The following ZNRF1 variants were observed in gnomAD, a reference collection of about 807,000 sequenced individuals.
ZNRF1 encodes the protein zinc and ring finger 1.
Under a neutral mutation model 18.4 loss-of-function variants are expected in ZNRF1, and 3 were observed. The ratio of observed to expected loss-of-function variants is 0.16; its 90% CI spans 0.07 to 0.42. The LOEUF (loss-of-function observed/expected upper bound fraction) is 0.42. ZNRF1 is among the 10% of genes least tolerant of loss of function. The pLI is 0.99. For missense variants in ZNRF1, 310 were observed against 329.8 expected (o/e 0.94, Z 0.47); for synonymous variants, 157 against 144.2 (o/e 1.09, Z -0.64).
chr16:75,101,611 A>G (rs1403284395), intron 2 of ZNRF1, among the ~76,000 whole-genome samples: 1 of 152,148 alleles, frequency 6.6e-6, no homozygotes, highest in Admixed American at 6.5e-5. Flanking sequence ...GCAGTGTACT[A>G]GACCCGTTTA....
At chr16:75,040,675 C>T (rs2035435966) in intron 1 of ZNRF1, among the ~76,000 whole-genome samples, 2 of 135,186 alleles carry the variant, frequency 1.5e-5, no homozygotes, top group Non-Finnish European at 3.0e-5. Flanking sequence ...GGCGCAATCT[C>T]GGCTCACTGC....
Position 75,046,864 on chromosome 16 carries a change from C to T in ZNRF1, c.425-46708C>T, listed in dbSNP as rs914297801. Reference sequence around the variant, plus strand: ...GTGCTGGGATTACAGGTGTGAGCCACCACGCCCGGAATGAAGTATTTCAGG... The same window carrying T: ...GTGCTGGGATTACAGGTGTGAGCCATCACGCCCGGAATGAAGTATTTCAGG... On this transcript the variant is annotated intron_variant, in intron 1 of 4. Transcript: ENST00000335325. 3.2e-5 allele frequency: 5 copies of T among 154,222 alleles called. No homozygotes were observed. In the Admixed American group the frequency reaches 3.3e-4, roughly 10 times the overall value. The allele number at this position is 154,222 out of a possible 1,614,324, so 9.6% of individuals were successfully genotyped here. A position where few individuals can be genotyped will look rare whatever the true frequency, so the allele number is the denominator to read the frequency against.
At chr16:75,022,654 C>A (rs2035168944) in intron 1 of ZNRF1, among the ~76,000 whole-genome samples, 2 of 151,968 alleles carry the variant, frequency 1.3e-5, no homozygotes, top group South Asian at 2.1e-4. Context: ...ATTTAAATTC[C>A]ATTTCTGAGT....
intron 1 of ZNRF1, among the ~76,000 whole-genome samples, chr16:75,050,608 C>A (rs997117386): frequency 6.6e-6 from 1 of 151,894 alleles, no homozygotes; most frequent in Non-Finnish European, 1.5e-5. Flanking sequence ...GTGGCTCACG[C>A]CTGTAATCCC....
intron 1 of ZNRF1, among the ~76,000 whole-genome samples, chr16:75,078,167 C>T (rs73614091): frequency 0.023 from 3,567 of 152,100 alleles, 160 homozygotes; most frequent in African/African-American, 0.083. Context: ...AGGAAATTGC[C>T]CTTGGTCACA....
At chr16:75,050,195 T>A (rs1314165612) in intron 1 of ZNRF1, among the ~76,000 whole-genome samples, 1 of 152,202 alleles carries the variant, frequency 6.6e-6, no homozygotes, top group Non-Finnish European at 1.5e-5. Context: ...ATGGTATGGA[T>A]GGACCACGGT....
intron 1 of ZNRF1, among the ~76,000 whole-genome samples, chr16:75,010,435 A>G (rs1201983991): frequency 6.6e-6 from 1 of 152,238 alleles, no homozygotes; most frequent in South Asian, 2.1e-4. Flanking sequence ...TTTGCTCAAA[A>G]TAAAGAATTT....
At chr16:75,030,021 C>G (rs1173799748) in intron 1 of ZNRF1, among the ~76,000 whole-genome samples, 1 of 147,800 alleles carries the variant, frequency 6.8e-6, no homozygotes, top group African/African-American at 2.5e-5. Context: ...TGAGAGAGCA[C>G]CACTGCATTC....
chr16:75,093,295 G>T (rs1231981454), intron 1 of ZNRF1, among the ~76,000 whole-genome samples: 3 of 151,272 alleles, frequency 2.0e-5, no homozygotes, highest in Non-Finnish European at 4.4e-5. Context: ...TGAGGCAGGA[G>T]AATCGCTTGA....
intron 1 of ZNRF1, among the ~76,000 whole-genome samples, chr16:75,046,043 C>A (rs2035511047): frequency 6.6e-6 from 1 of 151,730 alleles, no homozygotes; most frequent in African/African-American, 2.4e-5. Flanking sequence ...GCTGGGATTA[C>A]AGGCACGCAC....
At chr16:75,009,188 A>G (rs1282138665) in intron 1 of ZNRF1, among the ~76,000 whole-genome samples, 1 of 152,194 alleles carries the variant, frequency 6.6e-6, no homozygotes, top group African/African-American at 2.4e-5. Context: ...CATCCTTGGT[A>G]TTATAAGTCT....
At chr16:75,016,515 C>T (rs188609377) in intron 1 of ZNRF1, among the ~76,000 whole-genome samples, 4 of 152,038 alleles carry the variant, frequency 2.6e-5, no homozygotes, top group Admixed American at 2.0e-4. Context: ...GCTGGGATTA[C>T]AGGCTTGAGC....
intron 1 of ZNRF1, 113 bp downstream of exon 1, chr16:75,000,208 T>A: frequency 7.1e-7 from 1 of 1,409,450 alleles, no homozygotes; most frequent in Non-Finnish European, 9.7e-7. Context: ...CTGTCTGCAT[T>A]CCCTTTGGTT....
intron 1 of ZNRF1, among the ~76,000 whole-genome samples, chr16:75,088,555 A>T (rs1451429076): frequency 6.6e-6 from 1 of 152,222 alleles, no homozygotes; most frequent in Non-Finnish European, 1.5e-5. Flanking sequence ...ATTTGGTAAT[A>T]GCTGGTAGTA....
At chr16:75,020,969 C>G (rs1228706061) in intron 1 of ZNRF1, among the ~76,000 whole-genome samples, 2 of 152,216 alleles carry the variant, frequency 1.3e-5, no homozygotes, top group Non-Finnish European at 2.9e-5. Flanking sequence ...TCTCTACTCT[C>G]TTCCCAAATA....
chr16:75,045,808 T>C (rs562032020), intron 1 of ZNRF1, among the ~76,000 whole-genome samples: 1 of 151,378 alleles, frequency 6.6e-6, no homozygotes, highest in South Asian at 2.1e-4. Context: ...CTCGAATTCC[T>C]GGGCTCAAGT....
chr16:75,068,581 A>G (rs992915106), intron 1 of ZNRF1, among the ~76,000 whole-genome samples: 1 of 152,090 alleles, frequency 6.6e-6, no homozygotes, highest in Non-Finnish European at 1.5e-5. Context: ...CCAAAAAGCT[A>G]CAGACCCAGT....
chr16:75,051,934 A>G (rs751556662), intron 1 of ZNRF1, among the ~76,000 whole-genome samples: 28 of 152,202 alleles, frequency 1.8e-4, no homozygotes, highest in Non-Finnish European at 3.5e-4. Context: ...AGACATCTGT[A>G]TACTTATCTT....
intron 1 of ZNRF1, among the ~76,000 whole-genome samples, chr16:75,093,339 C>T (rs889588290): frequency 6.7e-6 from 1 of 150,328 alleles, no homozygotes; most frequent in African/African-American, 2.5e-5. Context: ...GAACTGAGAT[C>T]GTGCCACTGC....
Sources: gnomAD v4.1 joint callset for allele counts (sites outside exome capture counted in the v4.1 genomes callset) on GRCh38, gnomAD v4.1.1 for gene constraint, MANE v1.5 for transcripts, NCBI Gene and HGNC (gene_info 2026-07-23, HGNC 2026-07-21) for gene names.